The following ZMAT4 variants were observed in gnomAD, a reference collection of about 807,000 sequenced individuals.
ZMAT4 encodes the protein zinc finger matrin-type 4.
In ZMAT4, 17 loss-of-function variants were observed where a neutral mutation model predicts 28.7. The observed-to-expected ratio is 0.59, with a 90% CI of 0.41 to 0.89. The LOEUF is 0.89. Ranked by LOEUF, ZMAT4 falls within the 40% of genes least tolerant of loss-of-function variation. ZMAT4 has a pLI of 0.00. For missense variants in ZMAT4, 240 were observed against 283.8 expected, an observed-to-expected ratio of 0.85 and a Z score of 1.11; for synonymous variants, 117 against 109.2, an observed-to-expected ratio of 1.07 and a Z score of -0.44.
At chr8:40,848,343 T>C (rs549640935) in intron 1 of ZMAT4, among the ~76,000 whole-genome samples, 81 of 152,356 alleles carry the variant, frequency 5.3e-4, no homozygotes, top group African/African-American at 1.9e-3. Flanking sequence ...CACATCTGAT[T>C]TTTAGTGTGA....
chr8:40,743,707 G>T (rs1812106408), intron 3 of ZMAT4, among the ~76,000 whole-genome samples: 1 of 152,212 alleles, frequency 6.6e-6, no homozygotes, highest in Non-Finnish European at 1.5e-5. Flanking sequence ...ATAGCGGCAT[G>T]GGCAGGGAGC....
At chr8:40,598,811 T>C (rs935837611) in intron 5 of ZMAT4, among the ~76,000 whole-genome samples, 4 of 114,392 alleles carry the variant, frequency 3.5e-5, no homozygotes, top group Admixed American at 1.0e-4. Context: ...AGTACTTCCT[T>C]AATGTTCCAA....
chr8:40,536,045 C>T (rs1802836841), intron 6 of ZMAT4, among the ~76,000 whole-genome samples: 1 of 152,114 alleles, frequency 6.6e-6, no homozygotes, highest in Non-Finnish European at 1.5e-5. Context: ...CTTGTTCAGC[C>T]TATTGCCTGA....
In ZMAT4 at chr8:40,754,430, A is replaced by C. The variant is rs1472490471; in HGVS notation, c.192+13211T>G. On this transcript the variant is annotated intron_variant, in intron 3 of 6. Coordinates refer to ENST00000297737, the MANE Select transcript of ZMAT4 (RefSeq NM_024645.3). ...ATAACTATGATATATATCTCAGTAT[A>C]AATGAGTTTCAGAAGCAGAGTCCCA... Among the ~76,000 whole-genome samples, 4 of 152,234 alleles carry C rather than the reference A, an allele frequency of 2.6e-5. No homozygotes were observed. The East Asian group carries it at 7.7e-4, about 29-fold the overall frequency.
intron 2 of ZMAT4, among the ~76,000 whole-genome samples, chr8:40,812,244 C>A (rs543208265): frequency 8.3e-4 from 126 of 151,554 alleles, no homozygotes; most frequent in African/African-American, 2.9e-3. Flanking sequence ...GTGGAGAAAC[C>A]TGACAGTCAC....
rs113104904 is a variant in ZMAT4, at chr8:40,635,967, A to G, written c.577+38737T>C. Among the ~76,000 whole-genome samples, 331 of 152,322 alleles carry G rather than the reference A, an allele frequency of 2.2e-3. 2 individuals carry two copies. The highest frequency in any genetic ancestry group is 4.2e-3 in the Non-Finnish European group (283 of 68,022). On this transcript the variant is annotated intron_variant, in intron 5 of 6. Coordinates refer to ENST00000297737, the MANE Select transcript of ZMAT4 (RefSeq NM_024645.3). ...TTGGGGGCCTCTATTACCACCTTCA[A>G]GAAAAAGTAGCAGTGGCTCAGATTC...
At chr8:40,619,409 G>C (rs995789086) in intron 5 of ZMAT4, among the ~76,000 whole-genome samples, 2 of 152,144 alleles carry the variant, frequency 1.3e-5, no homozygotes, top group African/African-American at 4.8e-5. Flanking sequence ...TACATGAGTA[G>C]GGCACACTTG....
intron 2 of ZMAT4, among the ~76,000 whole-genome samples, chr8:40,770,174 A>T (rs1813329464): frequency 6.6e-6 from 1 of 152,112 alleles, no homozygotes; most frequent in African/African-American, 2.4e-5. Context: ...ATTATTTAGC[A>T]GCATTCCTTT....
At chr8:40,795,143 T>A (rs894942299) in intron 2 of ZMAT4, among the ~76,000 whole-genome samples, 4 of 152,108 alleles carry the variant, frequency 2.6e-5, no homozygotes, top group African/African-American at 9.7e-5. Context: ...TAATCACACA[T>A]CTACTCTGGA....
intron 5 of ZMAT4, among the ~76,000 whole-genome samples, chr8:40,615,845 T>G (rs959590238): frequency 4.6e-5 from 7 of 152,152 alleles, no homozygotes; most frequent in African/African-American, 1.7e-4. Context: ...TTTTTCAATG[T>G]TTTTAGAAAG....
At chr8:40,878,431 A>T (rs1488103698) in intron 1 of ZMAT4, among the ~76,000 whole-genome samples, 1 of 152,268 alleles carries the variant, frequency 6.6e-6, no homozygotes, top group Non-Finnish European at 1.5e-5. Flanking sequence ...ATCTAAAGCA[A>T]GTGTGTCCTA....
chr8:40,647,294 G>A (rs949634765), intron 5 of ZMAT4, among the ~76,000 whole-genome samples: 7 of 152,180 alleles, frequency 4.6e-5, no homozygotes, highest in South Asian at 2.1e-4. Context: ...TTCCCTTTCC[G>A]AGTCAAAGAA....
At chr8:40,781,075 C>A (rs1172078203) in intron 2 of ZMAT4, among the ~76,000 whole-genome samples, 2 of 152,098 alleles carry the variant, frequency 1.3e-5, no homozygotes, top group African/African-American at 2.4e-5. Flanking sequence ...GTGAGGGAAG[C>A]ATCTAAACTG....
chr8:40,897,707 C>T lies in ZMAT4; in HGVS notation c.-29G>A, dbSNP rs1340728853. 6.6e-6 allele frequency: 1 copy of T among 152,336 alleles called. No individual in the cohort carries two copies. Among genetic ancestry groups the T allele is most frequent in the Non-Finnish European group, 1.5e-5 (1 of 68,154 alleles). 9.4% of individuals were successfully genotyped at this position (152,336 alleles called of 1,614,324 possible). A position where few individuals can be genotyped will look rare whatever the true frequency, so the allele number is the denominator to read the frequency against. ...CCTTTTCCGCGAGGCAGAGGGGCCG[C>T]CGGTGCCCAGAGGCCAGCTGCCCTG... On this transcript the variant is annotated 5_prime_UTR_variant, in exon 1 of 7. Transcript: ENST00000297737.
intron 2 of ZMAT4, among the ~76,000 whole-genome samples, chr8:40,794,286 GA>G (rs1484731145): frequency 6.6e-6 from 1 of 152,150 alleles, no homozygotes; most frequent in Non-Finnish European, 1.5e-5. Flanking sequence ...ATAAGCTACA[GA>G]GACTCCATGG....
intron 6 of ZMAT4, among the ~76,000 whole-genome samples, chr8:40,567,699 T>G (rs1803964398): frequency 7.6e-6 from 1 of 132,234 alleles, no homozygotes; most frequent in South Asian, 2.4e-4. Context: ...CAAGACTGTC[T>G]CAAAAAAAAA....
chr8:40,894,171 G>A (rs913094894), intron 1 of ZMAT4, among the ~76,000 whole-genome samples: 1 of 152,214 alleles, frequency 6.6e-6, no homozygotes, highest in Non-Finnish European at 1.5e-5. Flanking sequence ...CTTGCGGCTG[G>A]TGGGACTCTC....
chr8:40,779,605 T>C (rs1275388106), intron 2 of ZMAT4, among the ~76,000 whole-genome samples: 2 of 152,206 alleles, frequency 1.3e-5, no homozygotes, highest in Admixed American at 6.5e-5. Context: ...CAGGGAGTTT[T>C]TTTAAAAGGC....
intron 1 of ZMAT4, among the ~76,000 whole-genome samples, chr8:40,870,191 CT>C (rs1317214131): frequency 6.6e-6 from 1 of 152,132 alleles, no homozygotes; most frequent in African/African-American, 2.4e-5. Flanking sequence ...CCCTAAGAGA[CT>C]TTTTACCTGC....
Sources: gnomAD v4.1 joint callset for allele counts (sites outside exome capture counted in the v4.1 genomes callset) on GRCh38, gnomAD v4.1.1 for gene constraint, MANE v1.5 for transcripts, NCBI Gene and HGNC (gene_info 2026-07-23, HGNC 2026-07-21) for gene names.